The following CACNA2D3 variants were observed in gnomAD, a reference collection of about 807,000 sequenced individuals.
The protein encoded by CACNA2D3 is voltage-dependent calcium channel subunit alpha-2/delta-3.
In CACNA2D3, 60 loss-of-function variants were observed where a neutral mutation model predicts 160.6. The ratio of observed to expected loss-of-function variants is 0.37; its 90% CI spans 0.30 to 0.46. The LOEUF (loss-of-function observed/expected upper bound fraction) is 0.46, where lower values mean the gene tolerates loss of function less well. CACNA2D3 is among the 20% of genes least tolerant of loss of function. CACNA2D3 has a pLI of 1.00. For missense variants in CACNA2D3, 1,205 were observed against 1,365.0 expected (o/e 0.88, Z 1.85); for synonymous variants, 558 against 492.9 (o/e 1.13, Z -1.75).
intron 4 of CACNA2D3, among the ~76,000 whole-genome samples, chr3:54,419,980 G>T (rs1699812690): frequency 6.6e-6 from 1 of 152,062 alleles, no homozygotes; most frequent in African/African-American, 2.4e-5. Flanking sequence ...TGGTCAAGCT[G>T]GTCTCAAACT....
At chr3:54,345,225 C>A (rs1355001332) in intron 3 of CACNA2D3, among the ~76,000 whole-genome samples, 1 of 152,196 alleles carries the variant, frequency 6.6e-6, no homozygotes, top group East Asian at 1.9e-4. Flanking sequence ...ACCCTGAATT[C>A]TTTTTTGAGC....
At chr3:54,701,352 T>C (rs191268778) in intron 11 of CACNA2D3, among the ~76,000 whole-genome samples, 9 of 152,362 alleles carry the variant, frequency 5.9e-5, no homozygotes, top group Admixed American at 5.9e-4. Context: ...ACAGGAAGCC[T>C]AATAGTTGTT....
At chr3:54,578,290 C>T (rs1702619659) in intron 8 of CACNA2D3, among the ~76,000 whole-genome samples, 2 of 152,150 alleles carry the variant, frequency 1.3e-5, no homozygotes. Flanking sequence ...TCAAGGAGAG[C>T]CATTTATAAG....
intron 2 of CACNA2D3, among the ~76,000 whole-genome samples, chr3:54,141,094 C>CGCGCGCGCGCGCGCGCGCGCACACACGT (rs768348036): frequency 6.1e-5 from 5 of 81,890 alleles, no homozygotes; most frequent in African/African-American, 1.9e-4. Flanking sequence ...TGTGCGCGCG[C>CGCGCGCGCGCGCGCGCGCGCACACACGT]GCGCGTGTGT....
Position 54,501,035 on chromosome 3 carries a change from A to G in CACNA2D3, c.382-2457A>G, listed in dbSNP as rs140552871. 6.5e-3 allele frequency among the ~76,000 whole-genome samples: 994 copies of G among 152,304 alleles called. 10 individuals are homozygous for G. Among genetic ancestry groups the G allele is most frequent in the African/African-American group, 0.023 (951 of 41,552 alleles). On this transcript the variant is annotated intron_variant, in intron 4 of 37. Coordinates refer to ENST00000474759, the MANE Select transcript of CACNA2D3 (RefSeq NM_018398.3). ...GATACTGTATCCTCTTGAAGGGAAG[A>G]GTGTTGTTTCCTCACCTGGTAGAAG...
intron 2 of CACNA2D3, among the ~76,000 whole-genome samples, chr3:54,184,811 G>A (rs531335240): frequency 6.6e-6 from 1 of 152,176 alleles, no homozygotes; most frequent in Non-Finnish European, 1.5e-5. Context: ...TGAAATTCTG[G>A]AGTTTTCTGG....
chr3:54,149,328 T>G (rs1700097884), intron 2 of CACNA2D3, among the ~76,000 whole-genome samples: 4 of 151,422 alleles, frequency 2.6e-5, no homozygotes, highest in South Asian at 4.2e-4. Flanking sequence ...CTTGCATAAA[T>G]CTATGCTACC....
At chr3:54,141,094 C>CGCGCGCGCGCGCGCACACACGT (rs768348036) in intron 2 of CACNA2D3, among the ~76,000 whole-genome samples, 14 of 81,972 alleles carry the variant, frequency 1.7e-4, no homozygotes, top group African/African-American at 4.6e-4. Context: ...TGTGCGCGCG[C>CGCGCGCGCGCGCGCACACACGT]GCGCGTGTGT....
At chr3:54,774,388 G>A (rs145315156) in intron 13 of CACNA2D3, among the ~76,000 whole-genome samples, 4 of 152,224 alleles carry the variant, frequency 2.6e-5, no homozygotes, top group African/African-American at 9.6e-5. Context: ...TATGACTGGA[G>A]CAGGAGGAAG....
intron 2 of CACNA2D3, among the ~76,000 whole-genome samples, chr3:54,204,813 A>AG (rs1377397993): frequency 6.6e-6 from 1 of 150,816 alleles, no homozygotes; most frequent in East Asian, 1.9e-4. Context: ...AAAAAAAAAA[A>AG]AAAAAAAGAA....
chr3:54,833,674 G>A (rs1050609377), intron 14 of CACNA2D3, among the ~76,000 whole-genome samples: 2 of 152,106 alleles, frequency 1.3e-5, no homozygotes, highest in African/African-American at 4.8e-5. Context: ...TGCTTACAGT[G>A]CAAATGAACT....
chr3:54,312,286 T>A (rs1003362559), intron 2 of CACNA2D3, among the ~76,000 whole-genome samples: 1 of 152,182 alleles, frequency 6.6e-6, no homozygotes, highest in African/African-American at 2.4e-5. Context: ...GAGGTGTAAT[T>A]TCAGTTTTTG....
chr3:54,984,840 C>T (rs1702580946), intron 30 of CACNA2D3, among the ~76,000 whole-genome samples, 170 bp downstream of exon 30: 1 of 152,156 alleles, frequency 6.6e-6, no homozygotes, highest in Non-Finnish European at 1.5e-5. Context: ...CAGTCTGCTT[C>T]TCAGCAGGCC....
intron 3 of CACNA2D3, among the ~76,000 whole-genome samples, chr3:54,373,027 A>G (rs967113392): frequency 2.6e-5 from 4 of 152,196 alleles, no homozygotes; most frequent in Non-Finnish European, 4.4e-5. Flanking sequence ...CTATCATGCC[A>G]GTGCTGGTTC....
rs375421111 is a variant in CACNA2D3 at position 54,627,900 on chromosome 3, T to G, written c.1053+24T>G. On this transcript the variant is annotated intron_variant, in intron 10 of 37. Coordinates refer to ENST00000474759, the MANE Select transcript of CACNA2D3 (RefSeq NM_018398.3). ...ATGTAAGTTCCTCTTTGATTTGCCT[T>G]TCTCATCCCTTGGAGAATAGATGGG... is the stretch of plus-strand genomic sequence containing the variant. 2,072 of 1,469,210 alleles carry G rather than the reference T, an allele frequency of 1.4e-3. 12 individuals are homozygous for G. Among genetic ancestry groups the G allele is most frequent in the Middle Eastern group, 5.2e-3 (30 of 5,818 alleles). The allele number at this position is 1,469,210 out of a possible 1,614,324, so 91.0% of individuals were successfully genotyped here. A position where few individuals can be genotyped will look rare whatever the true frequency, so the allele number is the denominator to read the frequency against.
At chr3:55,062,728 T>C (rs1704544773) in intron 35 of CACNA2D3, among the ~76,000 whole-genome samples, 1 of 152,226 alleles carries the variant, frequency 6.6e-6, no homozygotes, top group South Asian at 2.1e-4. Context: ...ATTTGTTTTG[T>C]TTATGGCTTC....
At chr3:54,967,597 A>G (rs1432131860) in intron 27 of CACNA2D3, among the ~76,000 whole-genome samples, 1 of 152,160 alleles carries the variant, frequency 6.6e-6, no homozygotes. Flanking sequence ...GGAATTCAGT[A>G]TTCCCTGTAG....
At chr3:54,153,686 T>A (rs949434842) in intron 2 of CACNA2D3, among the ~76,000 whole-genome samples, 8 of 152,248 alleles carry the variant, frequency 5.3e-5, no homozygotes, top group Non-Finnish European at 1.0e-4. Flanking sequence ...TATATTTGCA[T>A]AGAAGACTGG....
intron 5 of CACNA2D3, among the ~76,000 whole-genome samples, chr3:54,550,405 C>T (rs904750401): frequency 1.3e-5 from 2 of 152,156 alleles, no homozygotes; most frequent in South Asian, 2.1e-4. Context: ...GCGAGGGGGC[C>T]GAGCAGCTGG....
Sources: gnomAD v4.1 joint callset for allele counts (sites outside exome capture counted in the v4.1 genomes callset) on GRCh38, gnomAD v4.1.1 for gene constraint, MANE v1.5 for transcripts, NCBI Gene and HGNC (gene_info 2026-07-23, HGNC 2026-07-21) for gene names.